The following MMS22L variants were observed in gnomAD, a reference collection of about 807,000 sequenced individuals.
MMS22L encodes MMS22 like, DNA repair protein, also known as protein MMS22-like.
In MMS22L, 74 loss-of-function variants were observed where a neutral mutation model predicts 159.1. That is an observed-to-expected ratio of 0.47 (90% CI 0.39 to 0.56). MMS22L has a LOEUF of 0.56. MMS22L is among the 20% of genes least tolerant of loss of function. The pLI, the probability that MMS22L is intolerant of heterozygous loss-of-function variation, is 0.00. For synonymous variants in MMS22L, 517 were observed against 506.9 expected (o/e 1.02, Z -0.27); for missense variants, 1,351 against 1,422.1 (o/e 0.95, Z 0.80).
intron 4 of MMS22L, among the ~76,000 whole-genome samples, chr6:97,273,589 C>G (rs533530787): frequency 6.6e-6 from 1 of 152,204 alleles, no homozygotes; most frequent in Non-Finnish European, 1.5e-5. Flanking sequence ...AACACCTATA[C>G]TTGGATTGCT....
chr6:97,207,455 A>C (rs759807490), intron 14 of MMS22L, among the ~76,000 whole-genome samples: 1 of 152,168 alleles, frequency 6.6e-6, no homozygotes, highest in Non-Finnish European at 1.5e-5. Context: ...CATTACAACT[A>C]TTTGCTTTAA....
chr6:97,222,884 A>T (rs1262958154), intron 14 of MMS22L, among the ~76,000 whole-genome samples: 1 of 152,124 alleles, frequency 6.6e-6, no homozygotes, highest in Non-Finnish European at 1.5e-5. Flanking sequence ...GGCTACACCT[A>T]ACTCCACAAA....
intron 14 of MMS22L, among the ~76,000 whole-genome samples, chr6:97,204,639 G>A (rs952322192): frequency 5.3e-5 from 8 of 151,746 alleles, no homozygotes; most frequent in African/African-American, 1.9e-4. Flanking sequence ...AATATTAGGC[G>A]GGGGTAGGGG....
At chr6:97,274,286 T>C (rs369959286) in intron 4 of MMS22L, among the ~76,000 whole-genome samples, 1 of 152,132 alleles carries the variant, frequency 6.6e-6, no homozygotes, top group African/African-American at 2.4e-5. Flanking sequence ...TGTGAAGCAG[T>C]TGTGTAAATA....
In MMS22L at chr6:97,188,627, G is replaced by A. The variant is rs1290546697; in HGVS notation, c.2040-1937C>T. ...CACACTAAGACATGCACCCTTATGC[G>A]CCTACACATACACAAGTTTTAAGTG... is the stretch of plus-strand genomic sequence containing the variant. On this transcript the variant is annotated intron_variant, in intron 14 of 24. Transcript: ENST00000683635. Among the ~76,000 whole-genome samples, 5 of 152,050 alleles carry A rather than the reference G, an allele frequency of 3.3e-5. No individual in the cohort carries two copies. The East Asian group carries it at 7.7e-4, about 23-fold the overall frequency.
At chr6:97,187,127 C>G (rs1482067955) in intron 14 of MMS22L, among the ~76,000 whole-genome samples, 1 of 152,088 alleles carries the variant, frequency 6.6e-6, no homozygotes, top group Non-Finnish European at 1.5e-5. Flanking sequence ...AATTAAAATA[C>G]TTTCCTTGTT....
At chr6:97,240,179 T>C (rs2128024173) in intron 11 of MMS22L, among the ~76,000 whole-genome samples, 1 of 152,298 alleles carries the variant, frequency 6.6e-6, no homozygotes, top group South Asian at 2.1e-4. Flanking sequence ...ACAAAATTGG[T>C]TTCCAGAAAT....
intron 9 of MMS22L, among the ~76,000 whole-genome samples, chr6:97,263,081 A>G (rs1192725191): frequency 6.6e-6 from 1 of 152,188 alleles, no homozygotes; most frequent in African/African-American, 2.4e-5. Flanking sequence ...TGATAGAACA[A>G]CAACAACAAA....
intron 11 of MMS22L, chr6:97,245,975 C>A (rs1812598397): frequency 4.3e-6 from 1 of 231,532 alleles, no homozygotes; most frequent in Non-Finnish European, 8.8e-6. Context: ...AAATATTTCC[C>A]AAATTCCAAA....
At chr6:97,244,857 G>C (rs1250614409) in intron 11 of MMS22L, among the ~76,000 whole-genome samples, 1 of 152,116 alleles carries the variant, frequency 6.6e-6, no homozygotes, top group African/African-American at 2.4e-5. Context: ...CTTGGGCAGG[G>C]CTTGATGCGA....
At chr6:97,264,233 C>T (rs1317820185) in intron 8 of MMS22L, 1 of 152,028 alleles carries the variant, frequency 6.6e-6, no homozygotes, top group Non-Finnish European at 1.5e-5. Context: ...GAGTCATCTA[C>T]AACAAAAGAC....
At chr6:97,192,298 G>A (rs967638388) in intron 14 of MMS22L, among the ~76,000 whole-genome samples, 1 of 152,190 alleles carries the variant, frequency 6.6e-6, no homozygotes, top group Admixed American at 6.5e-5. Flanking sequence ...GATGCTTACC[G>A]TCACATATAA....
intron 7 of MMS22L, among the ~76,000 whole-genome samples, chr6:97,268,900 T>C (rs1016836922): frequency 2.0e-5 from 3 of 151,938 alleles, no homozygotes; most frequent in African/African-American, 4.8e-5. Context: ...TATGTAAGTA[T>C]ATACATATAT....
chr6:97,246,181 A>G (rs1459437483), intron 11 of MMS22L: 4 of 453,688 alleles, frequency 8.8e-6, no homozygotes, highest in Non-Finnish European at 1.8e-5. Context: ...ATGATAAGGT[A>G]TGAAACGAAT....
intron 16 of MMS22L, among the ~76,000 whole-genome samples, chr6:97,180,551 G>A (rs536779025): frequency 5.5e-4 from 84 of 152,110 alleles, no homozygotes; most frequent in South Asian, 1.2e-3. Context: ...TCGAATATAA[G>A]TTGTCATAAA....
At chr6:97,172,737 GT>G (rs1314690862) in intron 19 of MMS22L, among the ~76,000 whole-genome samples, 1 of 151,876 alleles carries the variant, frequency 6.6e-6, no homozygotes, top group African/African-American at 2.4e-5. Context: ...ATAGATAAGC[GT>G]TTTTTTAAAA....
chr6:97,210,303 G>A (rs1234905963), intron 14 of MMS22L, among the ~76,000 whole-genome samples: 1 of 151,992 alleles, frequency 6.6e-6, no homozygotes, highest in Middle Eastern at 3.4e-3. Context: ...ACAGAATCAG[G>A]TATCAATTTT....
intron 14 of MMS22L, among the ~76,000 whole-genome samples, chr6:97,201,120 C>T (rs1235754824): frequency 1.3e-5 from 2 of 152,100 alleles, no homozygotes; most frequent in East Asian, 3.8e-4. Context: ...TGTAAACCTG[C>T]TTTCCTTTCA....
chr6:97,271,325 C>T (rs1192086953), intron 6 of MMS22L: 1 of 152,012 alleles, frequency 6.6e-6, no homozygotes, highest in African/African-American at 2.4e-5. Flanking sequence ...AATTAAAAAG[C>T]CTATGAAAGG....
Sources: gnomAD v4.1 joint callset for allele counts (sites outside exome capture counted in the v4.1 genomes callset) on GRCh38, gnomAD v4.1.1 for gene constraint, MANE v1.5 for transcripts, NCBI Gene and HGNC (gene_info 2026-07-23, HGNC 2026-07-21) for gene names.